The following NIPAL2 variants were observed in gnomAD, a reference collection of about 807,000 sequenced individuals.
The protein encoded by NIPAL2 is NIPA-like protein 2.
Under a neutral mutation model 48.9 loss-of-function variants are expected in NIPAL2, and 43 were observed. The observed-to-expected ratio is 0.88, with a 90% CI of 0.69 to 1.13. NIPAL2 has a LOEUF of 1.13. Ranked by LOEUF, NIPAL2 falls within the 50% of genes most tolerant of loss-of-function variation. NIPAL2 has a pLI of 0.00. For missense variants in NIPAL2, 446 were observed against 461.4 expected, an observed-to-expected ratio of 0.97 and a Z score of 0.31; for synonymous variants, 167 against 174.6, an observed-to-expected ratio of 0.96 and a Z score of 0.34.
In NIPAL2 at chr8:98,294,108, C is replaced by T. The variant is rs777262108; in HGVS notation, c.30G>A (p.Gly10=). The T allele has an allele frequency of 4.1e-6, 6 of 1,478,436 alleles. No homozygotes were observed. Among genetic ancestry groups the T allele is most frequent in the South Asian group, 2.6e-5 (2 of 76,628 alleles). The allele number at this position is 1,478,436 out of a possible 1,614,324, so 91.6% of individuals were successfully genotyped here. A position where few individuals can be genotyped will look rare whatever the true frequency, so the allele number is the denominator to read the frequency against. The part of the protein sequence containing the change: MAAVAPAGP[G]DSASAALDEL... Reference sequence around the variant, plus strand: ...CGTCCAGGGCGGCCGAGGCGGAGTCCCCGGGGCCCGCGGGCGCCACCGCTG... The same window carrying T: ...CGTCCAGGGCGGCCGAGGCGGAGTCTCCGGGGCCCGCGGGCGCCACCGCTG... The change falls in exon 1 of 11, where the codon GGG becomes GGA. Residue 10 remains glycine, a synonymous_variant. Transcript: ENST00000430223.
chr8:98,280,149 T>C (rs1234632958), intron 1 of NIPAL2, among the ~76,000 whole-genome samples: 1 of 152,208 alleles, frequency 6.6e-6, no homozygotes, highest in Non-Finnish European at 1.5e-5. Context: ...GATATGGTAA[T>C]ACAGGGGTGT....
Position 98,250,957 on chromosome 8 carries a change from G to A in NIPAL2, c.376+1506C>T, listed in dbSNP as rs1341860890. 3.9e-5 allele frequency among the ~76,000 whole-genome samples: 6 copies of A among 152,172 alleles called. No individual in the cohort carries two copies. The East Asian group carries it at 1.2e-3, about 29-fold the overall frequency. ...TCTCACTTCAGGCCCCATGAGGTCTGGCTATATCGCATTTCTGTGAAATCT... is the reference window on the plus strand; with the variant it reads ...TCTCACTTCAGGCCCCATGAGGTCTAGCTATATCGCATTTCTGTGAAATCT... On this transcript the variant is annotated intron_variant, in intron 3 of 10. Coordinates refer to ENST00000430223, the MANE Select transcript of NIPAL2 (RefSeq NM_001321635.2).
intron 4 of NIPAL2, among the ~76,000 whole-genome samples, chr8:98,223,840 A>G (rs1812022192): frequency 6.6e-6 from 1 of 152,250 alleles, no homozygotes; most frequent in Non-Finnish European, 1.5e-5. Flanking sequence ...AAAAAACAGT[A>G]TACATTATTA....
At chr8:98,200,388 T>C (rs1393278298) in intron 8 of NIPAL2, among the ~76,000 whole-genome samples, 1 of 152,250 alleles carries the variant, frequency 6.6e-6, no homozygotes, top group Non-Finnish European at 1.5e-5. Flanking sequence ...AGAATATTTT[T>C]ATTTTTGTGA....
rs149679518 is a variant in NIPAL2, at chr8:98,222,969, G to T, written c.437-369C>A. On this transcript the variant is annotated intron_variant, in intron 4 of 10. Coordinates refer to ENST00000430223, the MANE Select transcript of NIPAL2 (RefSeq NM_001321635.2). Reference sequence around the variant, plus strand: ...CCTCATGGGTCAGTAAGTGCATGATGGATCTAGACACATCTAGATCTGTCT... The same window carrying T: ...CCTCATGGGTCAGTAAGTGCATGATTGATCTAGACACATCTAGATCTGTCT... Among the ~76,000 whole-genome samples the T allele has an allele frequency of 2.9e-3, 446 of 152,292 alleles. 1 individual carries two copies. The highest frequency in any genetic ancestry group is 5.2e-3 in the Non-Finnish European group (352 of 68,030).
In NIPAL2 at chr8:98,212,444, T is replaced by A; in HGVS notation, c.616A>T (p.Lys206Ter). Residue 206 changes from lysine (K) to a stop codon, truncating the protein, a stop_gained, in exon 6 of 11, where the codon AAG becomes TAG. Coordinates refer to ENST00000430223, the MANE Select transcript of NIPAL2 (RefSeq NM_001321635.2). LOFTEE classifies it high-confidence loss of function. ...LLYFYKRKGM[K>*]HMVILLTLVA... Reference sequence around the variant, plus strand: ...AGGGTTAGCAGAATCACCATATGCTTCATTCCTTTTCTTTTATAGAAATAC... The same window carrying A: ...AGGGTTAGCAGAATCACCATATGCTACATTCCTTTTCTTTTATAGAAATAC... The A allele has an allele frequency of 6.3e-7, 1 of 1,588,906 alleles. No homozygotes were observed. Among genetic ancestry groups the A allele is most frequent in the Non-Finnish European group, 8.6e-7 (1 of 1,157,712 alleles).
At position 98,252,545 on chromosome 8, in the gene NIPAL2, G is replaced by C. The variant is rs889178201; in HGVS notation, c.294C>G (p.Ala98=). The C allele has an allele frequency of 6.2e-7, 1 of 1,614,044 alleles. No individual in the cohort carries two copies. Among genetic ancestry groups the C allele is most frequent in the Non-Finnish European group, 8.5e-7 (1 of 1,180,008 alleles). ...CTGCAAAGTTCCCCGTCTCTCCCAC[G>C]GCCATCAGCAGGACACCACCCCACC... ...VLWWGGVLLM[A]VGETGNFAAY... is the part of the protein sequence containing the mutation. The change falls in exon 3 of 11, where the codon GCC becomes GCG. Residue 98 remains alanine (A), a synonymous_variant. Coordinates refer to ENST00000430223, the MANE Select transcript of NIPAL2 (RefSeq NM_001321635.2).
At chr8:98,196,306 C>T (rs145277265) in intron 8 of NIPAL2, among the ~76,000 whole-genome samples, 1 of 152,306 alleles carries the variant, frequency 6.6e-6, no homozygotes, top group Non-Finnish European at 1.5e-5. Context: ...CTGGAACATA[C>T]AAGAAAACAA....
At chr8:98,206,041 T>C (rs1190000794) in intron 6 of NIPAL2, among the ~76,000 whole-genome samples, 4 of 152,208 alleles carry the variant, frequency 2.6e-5, no homozygotes, top group African/African-American at 7.2e-5. Context: ...ACTATGAAAG[T>C]AATGGAGCAT....
chr8:98,204,992 C>T (rs1308342419), intron 7 of NIPAL2, 119 bp downstream of exon 7: 1 of 1,116,866 alleles, frequency 9.0e-7, no homozygotes, highest in Non-Finnish European at 1.3e-6. Context: ...GCTACAGGCC[C>T]TTCACCCTTA....
At chr8:98,244,543 T>C (rs1263165890) in intron 3 of NIPAL2, among the ~76,000 whole-genome samples, 2 of 64,166 alleles carry the variant, frequency 3.1e-5, no homozygotes, top group Admixed American at 4.4e-4. Context: ...GCTGTGATGA[T>C]GAGAGGGTGG....
chr8:98,274,548 C>T (rs1815348738), intron 1 of NIPAL2, among the ~76,000 whole-genome samples: 1 of 151,894 alleles, frequency 6.6e-6, no homozygotes, highest in African/African-American at 2.4e-5. Context: ...CAGTATGACT[C>T]TTTAATCTCA....
Position 98,236,824 on chromosome 8 carries a change from C to T in NIPAL2, c.377-610G>A, listed in dbSNP as rs1812738301. 2.2e-5 allele frequency among the ~76,000 whole-genome samples: 3 copies of T among 134,700 alleles called. No homozygotes were observed. In the South Asian group the frequency reaches 7.3e-4, roughly 33 times the overall value. 88.4% of individuals were successfully genotyped at this position (134,700 alleles called of 152,430 possible). A position where few individuals can be genotyped will look rare whatever the true frequency, so the allele number is the denominator to read the frequency against. On this transcript the variant is annotated intron_variant, in intron 3 of 10. Transcript: ENST00000430223. Reference sequence around the variant, plus strand: ...CCATGATGGCACCACTGCACTGAAGCCTCAGTGACAGAAGGAGATCCTGTC... The same window carrying T: ...CCATGATGGCACCACTGCACTGAAGTCTCAGTGACAGAAGGAGATCCTGTC...
At chr8:98,281,284 G>C (rs1023881714) in intron 1 of NIPAL2, among the ~76,000 whole-genome samples, 4 of 151,976 alleles carry the variant, frequency 2.6e-5, no homozygotes, top group African/African-American at 9.7e-5. Context: ...AGGAATCAAG[G>C]ATGCAAAGTA....
intron 1 of NIPAL2, among the ~76,000 whole-genome samples, chr8:98,289,989 G>A (rs560087636): frequency 3.5e-4 from 54 of 152,200 alleles, no homozygotes; most frequent in African/African-American, 1.3e-3. Context: ...TTTTCCCCTC[G>A]CATGGACTCT....
At chr8:98,230,594 T>C (rs1812394610) in intron 4 of NIPAL2, among the ~76,000 whole-genome samples, 1 of 152,200 alleles carries the variant, frequency 6.6e-6, no homozygotes, top group African/African-American at 2.4e-5. Flanking sequence ...TTTGGGGGAA[T>C]ATTTTATATT....
At chr8:98,196,393 T>TG (rs1198953708) in intron 8 of NIPAL2, among the ~76,000 whole-genome samples, 1 of 152,212 alleles carries the variant, frequency 6.6e-6, no homozygotes, top group Admixed American at 6.5e-5. Flanking sequence ...GGGTAGACTC[T>TG]GGGGCCTCTG....
chr8:98,261,368 T>C (rs1348914932), intron 1 of NIPAL2, among the ~76,000 whole-genome samples: 1 of 130,006 alleles, frequency 7.7e-6, no homozygotes, highest in African/African-American at 3.0e-5. Flanking sequence ...GCAAAGAAGT[T>C]GAAAACTTTG....
At chr8:98,260,290 T>C (rs1814216403) in intron 1 of NIPAL2, among the ~76,000 whole-genome samples, 1 of 152,140 alleles carries the variant, frequency 6.6e-6, no homozygotes, top group Non-Finnish European at 1.5e-5. Flanking sequence ...GATGGCCGAA[T>C]AGGAACAGCT....
Sources: gnomAD v4.1 joint callset for allele counts (sites outside exome capture counted in the v4.1 genomes callset) on GRCh38, gnomAD v4.1.1 for gene constraint, MANE v1.5 for transcripts, NCBI Gene and HGNC (gene_info 2026-07-23, HGNC 2026-07-21) for gene names.